KIF26B: variants seen among roughly 807,000 people sequenced by gnomAD.
KIF26B encodes kinesin-like protein KIF26B.
Under a neutral mutation model 151.2 loss-of-function variants are expected in KIF26B, and 63 were observed. That is an observed-to-expected ratio of 0.42 (90% CI 0.34 to 0.51). The LOEUF (loss-of-function observed/expected upper bound fraction) is 0.51, where lower values mean the gene tolerates loss of function less well. KIF26B is among the 20% of genes least tolerant of loss of function. The pLI, the probability that KIF26B is intolerant of heterozygous loss-of-function variation, is 0.07. For missense variants in KIF26B, 2,813 were observed against 2,913.6 expected, an observed-to-expected ratio of 0.97 and a Z score of 0.79; for synonymous variants, 1,357 against 1,262.1, an observed-to-expected ratio of 1.08 and a Z score of -1.59.
intron 10 of KIF26B, chr1:245,676,434 T>C (rs1006692551): frequency 6.6e-6 from 1 of 152,182 alleles, no homozygotes; most frequent in East Asian, 1.9e-4. Context: ...TCTTGTTCAA[T>C]GAGATCAAAG....
intron 2 of KIF26B, among the ~76,000 whole-genome samples, chr1:245,353,465 C>T (rs747066926): frequency 1.3e-5 from 2 of 152,094 alleles, no homozygotes; most frequent in Non-Finnish European, 2.9e-5. Flanking sequence ...TGGCACACAC[C>T]GAGGAAGATT....
intron 2 of KIF26B, among the ~76,000 whole-genome samples, chr1:245,242,240 C>G (rs764689321): frequency 4.6e-5 from 7 of 152,092 alleles, no homozygotes; most frequent in Admixed American, 3.9e-4. Context: ...CTTCCCCCCC[C>G]AAAATAGGGA....
chr1:245,292,078 G>T (rs74153174), intron 2 of KIF26B, among the ~76,000 whole-genome samples: 3,042 of 152,274 alleles, frequency 0.02, 111 homozygotes, highest in African/African-American at 0.068. Context: ...GATAATACAT[G>T]TAGAGGCGTG....
rs533824547 is a variant in KIF26B at position 245,703,641 on chromosome 1, C to T, written c.*1035C>T. ...TCTTGAACGAAAGCTGGAACCAATT[C>T]ACCAGAGCCATATTTCTTTCTTTAG... is the stretch of plus-strand genomic sequence containing the variant. On this transcript the variant is annotated 3_prime_UTR_variant, in exon 15 of 15. Coordinates refer to ENST00000407071, the MANE Select transcript of KIF26B (RefSeq NM_018012.4). The T allele has an allele frequency of 1.3e-5, 2 of 152,306 alleles. No homozygotes were observed. Among genetic ancestry groups the T allele is most frequent in the East Asian group, 3.9e-4 (2 of 5,188 alleles). The allele number at this position is 152,306 out of a possible 1,614,324, so 9.4% of individuals were successfully genotyped here. A position where few individuals can be genotyped will look rare whatever the true frequency, so the allele number is the denominator to read the frequency against.
chr1:245,155,297 C>G lies in KIF26B; in HGVS notation c.-128C>G. 1.4e-6 allele frequency: 1 copy of G among 732,642 alleles called. No individual in the cohort carries two copies. The highest frequency in any genetic ancestry group is 2.4e-6 in the Non-Finnish European group (1 of 425,484). 45.4% of individuals were successfully genotyped at this position (732,642 alleles called of 1,614,324 possible). ...TTGCTTTCATTCCCTCCCACCCCAC[C>G]GCTGAAGAAACCTTGCCCTGAGGGC... On this transcript the variant is annotated 5_prime_UTR_variant, in exon 1 of 15. Transcript: ENST00000407071.
intron 4 of KIF26B, among the ~76,000 whole-genome samples, chr1:245,511,295 T>C (rs913725485): frequency 7.9e-5 from 12 of 152,210 alleles, no homozygotes; most frequent in African/African-American, 2.2e-4. Flanking sequence ...TTCTTCTTGT[T>C]CAATGGACTT....
In KIF26B at chr1:245,560,214, G is replaced by C. The variant is rs1228862860; in HGVS notation, c.1350+19264G>C. Among the ~76,000 whole-genome samples, 1 of 152,152 alleles carries C rather than the reference G, an allele frequency of 6.6e-6. No homozygotes were observed. Among genetic ancestry groups the C allele is most frequent in the African/African-American group, 2.4e-5 (1 of 41,420 alleles). ...TTGCATTTATTCATGTGGATACATA[G>C]ATGCTCATTCGCTTCAATTCATTGA... On this transcript the variant is annotated intron_variant, in intron 5 of 14. Transcript: ENST00000407071. This position sits in a 1 kb window ranked among gnomAD's most constrained non-coding sequence, Gnocchi z 4.3.
At chr1:245,355,848 G>GCT (rs1672684657) in intron 2 of KIF26B, among the ~76,000 whole-genome samples, 1 of 152,128 alleles carries the variant, frequency 6.6e-6, no homozygotes, top group South Asian at 2.1e-4. Context: ...GAAATCCTCG[G>GCT]CTCCTGTCTG....
rs1670283660 is a variant in KIF26B, at chr1:245,244,750, G to GCACACACACACACACA, written c.465+88072_465+88073insACACACACACACACAC. 1.7e-5 allele frequency among the ~76,000 whole-genome samples: 1 copy of GCACACACACACACACA among 59,466 alleles called. No individual in the cohort carries two copies. The highest frequency in any genetic ancestry group is 5.5e-5 in the African/African-American group (1 of 18,226). 39.0% of individuals were successfully genotyped at this position (59,466 alleles called of 152,430 possible). ...TTTGTGAGAAGGAACACACAGACAC[G>GCACACACACACACACA]CACACTCACACACACACACACACAC... On this transcript the variant is annotated intron_variant, in intron 2 of 14. Transcript: ENST00000407071. This position sits in a 1 kb window ranked among gnomAD's most constrained non-coding sequence, Gnocchi z 4.2.
chr1:245,483,132 G>T (rs1660204659), intron 4 of KIF26B, among the ~76,000 whole-genome samples: 1 of 151,670 alleles, frequency 6.6e-6, no homozygotes, highest in Non-Finnish European at 1.5e-5. Context: ...ATCTCACAGG[G>T]TTTCATGGGT....
chr1:245,701,397 A>C (rs890284481), intron 14 of KIF26B, among the ~76,000 whole-genome samples: 6 of 152,236 alleles, frequency 3.9e-5, no homozygotes, highest in African/African-American at 1.4e-4. Flanking sequence ...TCATAGAATG[A>C]TGTCTCCTTT....
chr1:245,619,514 C>G (rs1327586907), intron 9 of KIF26B, among the ~76,000 whole-genome samples: 1 of 149,994 alleles, frequency 6.7e-6, no homozygotes, highest in Non-Finnish European at 1.5e-5. Flanking sequence ...AGGAGAATTG[C>G]TTGAACTCAG....
intron 4 of KIF26B, among the ~76,000 whole-genome samples, chr1:245,527,833 C>T (rs1661274046): frequency 1.3e-5 from 2 of 151,248 alleles, no homozygotes; most frequent in Non-Finnish European, 2.9e-5. Flanking sequence ...GCGCCCGGCC[C>T]GGGATGGCTT....
At chr1:245,580,619 G>C (rs902693658) in intron 5 of KIF26B, among the ~76,000 whole-genome samples, 2 of 152,216 alleles carry the variant, frequency 1.3e-5, no homozygotes, top group African/African-American at 4.8e-5. Context: ...TGCTGATGCA[G>C]TCCAGGCAGG....
rs1206264058 is a variant in KIF26B, at chr1:245,367,251, G to T, written c.883G>T (p.Ala295Ser). Residue 295 changes from alanine (A) to serine (S), a missense_variant, in exon 3 of 15, where the codon GCC becomes TCC. Ala to Ser is a moderately conservative substitution (Grantham distance 99). Around this residue, in one of 3 missense-constraint regions of KIF26B, gnomAD observed 676 missense variants for 688.1 expected, o/e 0.98. Transcript: ENST00000407071. The surrounding 1 kb of genome is among the most constrained non-coding windows in gnomAD (Gnocchi z 4.2). ...CCAGGCCAAGGTCAGCCTCCAGATG[G>T]CCACCAGTCCAAGCAATGGGAACAT... ...THQAKVSLQM[A>S]TSPSNGNILN... 3.7e-6 allele frequency: 6 copies of T among 1,607,450 alleles called. No individual in the cohort carries two copies. The highest frequency in any genetic ancestry group is 5.1e-6 in the Non-Finnish European group (6 of 1,177,012).
In KIF26B at chr1:245,560,832, C is replaced by T. The variant is rs1317956126; in HGVS notation, c.1350+19882C>T. 3.9e-5 allele frequency among the ~76,000 whole-genome samples: 6 copies of T among 152,300 alleles called. No homozygotes were observed. The highest frequency in any genetic ancestry group is 9.6e-5 in the African/African-American group (4 of 41,562). ...GTCCCCACAGCACAGGGACAGCCTC[C>T]GCAGACTCCCGTGTGTGTGCTCTGG... is the stretch of plus-strand genomic sequence containing the variant. On this transcript the variant is annotated intron_variant, in intron 5 of 14. Coordinates refer to ENST00000407071, the MANE Select transcript of KIF26B (RefSeq NM_018012.4). This position sits in a 1 kb window ranked among gnomAD's most constrained non-coding sequence, Gnocchi z 4.3.
At chr1:245,363,472 A>T (rs932112971) in intron 2 of KIF26B, among the ~76,000 whole-genome samples, 1 of 152,212 alleles carries the variant, frequency 6.6e-6, no homozygotes, top group African/African-American at 2.4e-5. Flanking sequence ...CTGGGGTTAC[A>T]GGCATGAGCC....
rs1018443399 is a variant in KIF26B at position 245,512,221 on chromosome 1, TTCTC to T, written c.1167-28544_1167-28541del. Among the ~76,000 whole-genome samples, 1 of 152,200 alleles carries T rather than the reference TTCTC, an allele frequency of 6.6e-6. No individual in the cohort carries two copies. The highest frequency in any genetic ancestry group is 2.4e-5 in the African/African-American group (1 of 41,446). Reference sequence around the variant, plus strand: ...GAGTTTTTCTGAGCTATCATTGCCTTTCTCTGTCTATCACATTCATACCTCAGGC... The same window carrying T: ...GAGTTTTTCTGAGCTATCATTGCCTTTGTCTATCACATTCATACCTCAGGC... On this transcript the variant is annotated intron_variant, in intron 4 of 14. Transcript: ENST00000407071. The surrounding 1 kb of genome is among the most constrained non-coding windows in gnomAD (Gnocchi z 4.3).
intron 3 of KIF26B, among the ~76,000 whole-genome samples, chr1:245,394,685 T>TTTTG: frequency 9.2e-6 from 1 of 108,464 alleles, no homozygotes; most frequent in East Asian, 2.7e-4. Context: ...AGTTTTTTTC[T>TTTTG]TTCTTTTTTT....
Sources: allele counts gnomAD v4.1 joint callset (sites outside exome capture counted in the v4.1 genomes callset), GRCh38; gene constraint gnomAD v4.1.1; regional missense constraint gnomAD v4.1.1; non-coding constraint Gnocchi (gnomAD v3.1); transcripts MANE v1.5; gene names NCBI Gene and HGNC (gene_info 2026-07-23, HGNC 2026-07-21).